Variants in P2RX5 observed in about 807,000 individuals in gnomAD.
P2RX5 encodes the protein purinergic receptor P2X 5.
Under a neutral mutation model 54.1 loss-of-function variants are expected in P2RX5, and 46 were observed. The ratio of observed to expected loss-of-function variants is 0.85; its 90% confidence interval spans 0.67 to 1.09. The LOEUF (loss-of-function observed/expected upper bound fraction) is 1.09. Ranked by LOEUF, P2RX5 falls within the 50% of genes least tolerant of loss-of-function variation. P2RX5 has a pLI of 0.00. For synonymous variants in P2RX5, 226 were observed against 226.4 expected, an observed-to-expected ratio of 1.00 and a Z score of 0.02; for missense variants, 566 against 549.8, an observed-to-expected ratio of 1.03 and a Z score of -0.29.
the P2RX5 span, among the ~76,000 whole-genome samples, chr17:3,702,080 C>T: frequency 0.39 from 58,970 of 151,542 alleles, 13,609 homozygotes; most frequent in South Asian, 0.6. Flanking sequence ...CTTCCTGGGT[C>T]GAGTGAAGAC....
chr17:3,679,813 G>T, intron 10 of P2RX5, 29 bp from the exon 11 acceptor site: 2 of 1,598,534 alleles, frequency 1.3e-6, no homozygotes, highest in Non-Finnish European at 1.7e-6. Context: ...GTTCACCTGG[G>T]ACGGCCCTGC....
chr17:3,676,286 A>G, intron 11 of P2RX5: 3 of 985,364 alleles, frequency 3.0e-6, no homozygotes, highest in Non-Finnish European at 3.6e-6. Flanking sequence ...TTGACAGGGG[A>G]GACTGGGTCT....
the P2RX5 span, among the ~76,000 whole-genome samples, chr17:3,709,182 C>G: frequency 6.6e-6 from 1 of 152,122 alleles, no homozygotes; most frequent in Non-Finnish European, 1.5e-5. Context: ...GAACTCCTGA[C>G]CTCAGGTGAT....
the P2RX5 span, chr17:3,716,580 C>T: frequency 8.3e-5 from 57 of 687,802 alleles, no homozygotes; most frequent in Non-Finnish European, 1.3e-4. Flanking sequence ...AAAGTGGCCA[C>T]GAGGCCAGGG....
the P2RX5 span, chr17:3,722,622 G>A: frequency 6.5e-5 from 10 of 152,824 alleles, no homozygotes; most frequent in African/African-American, 2.4e-4. Flanking sequence ...CTGTACTGGC[G>A]AGCTAGAAGA....
At chr17:3,699,096 T>C (rs867374845), upstream of P2RX5, among the ~76,000 whole-genome samples, 162 of 16,300 alleles carry the variant, frequency 9.9e-3, 3 homozygotes, top group African/African-American at 0.011. Flanking sequence ...CACACACACC[T>C]ATATATATAA....
the P2RX5 span, among the ~76,000 whole-genome samples, chr17:3,705,177 C>T: frequency 2.4e-4 from 36 of 152,322 alleles, no homozygotes; most frequent in African/African-American, 7.5e-4. Flanking sequence ...CGCTCCTCTC[C>T]ACTCCCAAGT....
intron 6 of P2RX5, 34 bp from the exon 7 acceptor site, chr17:3,689,664 G>A: frequency 2.5e-6 from 4 of 1,613,804 alleles, no homozygotes; most frequent in Non-Finnish European, 3.4e-6. Context: ...GAGAAATGAA[G>A]TAAGACTTGA....
chr17:3,710,907 G>A, the P2RX5 span, among the ~76,000 whole-genome samples: 4 of 152,124 alleles, frequency 2.6e-5, no homozygotes, highest in Non-Finnish European at 4.4e-5. Context: ...CAGCATGAAC[G>A]AGAGCGAGAC....
intron 10 of P2RX5, 146 bp downstream of exon 10, chr17:3,681,750 A>G (rs2050288826): frequency 2.9e-6 from 2 of 698,430 alleles, no homozygotes; most frequent in Non-Finnish European, 5.2e-6. Flanking sequence ...TCTGTAGAGC[A>G]TGTACTCAGA....
intron 11 of P2RX5, chr17:3,677,810 C>A (rs2050138381): frequency 1.0e-6 from 1 of 985,252 alleles, no homozygotes; most frequent in Non-Finnish European, 1.2e-6. Context: ...CCAAACACTC[C>A]ACTTCCGCTC....
chr17:3,690,033 G>A (rs2050566218), intron 6 of P2RX5, 37 bp downstream of exon 6: 1 of 1,587,510 alleles, frequency 6.3e-7, no homozygotes, highest in Non-Finnish European at 8.7e-7. Context: ...CATCGACCAA[G>A]GCCCACCCGT....
At chr17:3,693,352 T>C (rs2050670772) in intron 1 of P2RX5, among the ~76,000 whole-genome samples, 1 of 152,194 alleles carries the variant, frequency 6.6e-6, no homozygotes, top group Non-Finnish European at 1.5e-5. Flanking sequence ...GATAGGGATG[T>C]AAAATGAGGT....
At chr17:3,678,020 C>G in intron 11 of P2RX5, 2 of 985,428 alleles carry the variant, frequency 2.0e-6, no homozygotes, top group South Asian at 9.4e-5. Context: ...TTCAGAGCTG[C>G]GGGTTGTTCT....
intron 11 of P2RX5, 27 bp from the exon 12 acceptor site, chr17:3,673,904 CTT>C: frequency 6.3e-7 from 1 of 1,598,818 alleles, no homozygotes; most frequent in Non-Finnish European, 8.5e-7. Flanking sequence ...GAAAGGAGCT[CTT>C]GAGAGGCTGG....
chr17:3,677,100 T>C (rs1470049493), intron 11 of P2RX5: 1 of 985,186 alleles, frequency 1.0e-6, no homozygotes, highest in Non-Finnish European at 1.2e-6. Context: ...CCTACAGCGA[T>C]GGAGGCAGAG....
the P2RX5 span, among the ~76,000 whole-genome samples, chr17:3,719,517 G>C: frequency 2.0e-5 from 3 of 152,090 alleles, no homozygotes; most frequent in African/African-American, 7.2e-5. Context: ...AACACACAAA[G>C]CATTCAGTCC....
chr17:3,713,314 T>C, the P2RX5 span, among the ~76,000 whole-genome samples: 80,384 of 151,940 alleles, frequency 0.53, 22,127 homozygotes, highest in African/African-American at 0.64. Context: ...AACCTATGAC[T>C]GCATCACTGC....
chr17:3,713,025 A>G, the P2RX5 span, among the ~76,000 whole-genome samples: 2 of 91,904 alleles, frequency 2.2e-5, no homozygotes, highest in African/African-American at 5.4e-5. Context: ...TGCAAACTCT[A>G]AACAGTCGGG....
Sources: allele counts gnomAD v4.1 joint callset (sites outside exome capture counted in the v4.1 genomes callset), GRCh38; gene constraint gnomAD v4.1.1; transcripts MANE v1.5; gene names NCBI Gene and HGNC (gene_info 2026-07-23, HGNC 2026-07-21).